PSMG2: variants seen among roughly 807,000 people sequenced by gnomAD.
PSMG2 encodes proteasome assembly chaperone 2, also known as CD40 ligand-activated specific transcript 3.
Under a neutral mutation model 31.5 loss-of-function variants are expected in PSMG2, and 21 were observed. The ratio of observed to expected loss-of-function variants is 0.67; its 90% CI spans 0.47 to 0.96. The LOEUF (loss-of-function observed/expected upper bound fraction) is 0.96. Among genes scored for constraint, PSMG2 ranks in the 40% least tolerant of loss-of-function variants. PSMG2 has a pLI of 0.00. For synonymous variants in PSMG2, 120 were observed against 110.4 expected (o/e 1.09, Z -0.54); for missense variants, 318 against 321.2 (o/e 0.99, Z 0.08).
chr18:12,716,551 G>A (rs973011717), intron 3 of PSMG2, among the ~76,000 whole-genome samples: 1 of 151,752 alleles, frequency 6.6e-6, no homozygotes, highest in East Asian at 1.9e-4. Context: ...CCACCATCAC[G>A]CCCGGCTAAT....
At chr18:12,677,314 T>A (rs2039172856) in intron 1 of PSMG2, among the ~76,000 whole-genome samples, 1 of 151,976 alleles carries the variant, frequency 6.6e-6, no homozygotes, top group Non-Finnish European at 1.5e-5. Context: ...AGCACATGTC[T>A]ATAATCCCAG....
At chr18:12,715,010 G>A (rs968142454) in intron 3 of PSMG2, among the ~76,000 whole-genome samples, 44 of 149,312 alleles carry the variant, frequency 2.9e-4, no homozygotes, top group African/African-American at 9.4e-4. Flanking sequence ...CACTGTGCCC[G>A]GCCCTCTTTT....
intron 1 of PSMG2, chr18:12,670,734 A>G (rs2038921454): frequency 6.6e-6 from 1 of 151,900 alleles, no homozygotes; most frequent in Admixed American, 6.6e-5. Flanking sequence ...CAGTGGCACA[A>G]TCTTTTGGGC....
At chr18:12,708,143 C>T (rs1190541748) in intron 2 of PSMG2, among the ~76,000 whole-genome samples, 2 of 151,944 alleles carry the variant, frequency 1.3e-5, no homozygotes, top group African/African-American at 2.4e-5. Context: ...AAAAATTAGC[C>T]AACCTGTAGT....
intron 1 of PSMG2, among the ~76,000 whole-genome samples, chr18:12,660,173 C>T (rs1687812394): frequency 6.6e-6 from 1 of 152,150 alleles, no homozygotes; most frequent in African/African-American, 2.4e-5. Flanking sequence ...AGCCATTAAC[C>T]TGCTAACCCT....
chr18:12,668,276 C>T (rs2038846647), intron 1 of PSMG2, among the ~76,000 whole-genome samples: 1 of 150,596 alleles, frequency 6.6e-6, no homozygotes, highest in Admixed American at 6.6e-5. Context: ...CCCCCAACTC[C>T]TCCCACCGCC....
At chr18:12,721,408 C>T (rs1026097752) in intron 5 of PSMG2, among the ~76,000 whole-genome samples, 3 of 152,054 alleles carry the variant, frequency 2.0e-5, no homozygotes, top group Admixed American at 6.6e-5. Flanking sequence ...TTACATTTAT[C>T]ACACATTTTA....
At chr18:12,698,156 TTTTA>T (rs1160293872), upstream of PSMG2, among the ~76,000 whole-genome samples, 13 of 147,040 alleles carry the variant, frequency 8.8e-5, no homozygotes, top group Admixed American at 7.3e-4. Flanking sequence ...TGACTTTTTA[TTTTA>T]TTTATATTTA....
In PSMG2 at chr18:12,703,304, G is replaced by A. The variant is rs569583108; in HGVS notation, c.57+140G>A. ...CATGTTTTCGGCCGGAAAAAACAGG[G>A]AGGTTGTAGCCGGAGGCAGCCGTCC... On this transcript the variant is annotated intron_variant, in intron 1 of 6. Transcript: ENST00000317615. 1.7e-5 allele frequency: 18 copies of A among 1,054,268 alleles called. No individual in the cohort carries two copies. The African/African-American group carries it at 2.1e-4, about 12-fold the overall frequency. The allele number at this position is 1,054,268 out of a possible 1,614,324, so 65.3% of individuals were successfully genotyped here.
At chr18:12,690,376 T>C (rs778589594) in intron 1 of PSMG2, among the ~76,000 whole-genome samples, 5 of 152,140 alleles carry the variant, frequency 3.3e-5, no homozygotes, top group Non-Finnish European at 5.9e-5. Context: ...TATGAAAGCA[T>C]CTGTATGAGG....
intron 1 of PSMG2, chr18:12,674,704 G>A: frequency 6.2e-7 from 1 of 1,614,088 alleles, no homozygotes; most frequent in Non-Finnish European, 8.5e-7. Flanking sequence ...CAAAGCTGGT[G>A]ATAAAAGGTA....
At chr18:12,661,661 G>C (rs557263233) in intron 1 of PSMG2, among the ~76,000 whole-genome samples, 4 of 152,106 alleles carry the variant, frequency 2.6e-5, no homozygotes, top group Non-Finnish European at 5.9e-5. Flanking sequence ...TGTAATCCCA[G>C]CTACTCGGGA....
intron 1 of PSMG2, among the ~76,000 whole-genome samples, chr18:12,659,342 A>G (rs2038647348): frequency 6.6e-6 from 1 of 152,174 alleles, no homozygotes; most frequent in African/African-American, 2.4e-5. Context: ...GGGAGGAGGG[A>G]GAAAAGCAAC....
At position 12,718,483 on chromosome 18, in the gene PSMG2, G is replaced by T. The variant is rs1170738517; in HGVS notation, c.289-34G>T. The stretch of plus-strand genomic sequence containing the variant: ...TTGTATGCTCTAAGACTAACTTTTA[G>T]ATTTTCTTTTTATTCTCTCAATGGT... On this transcript the variant is annotated intron_variant, in intron 3 of 6. Transcript: ENST00000317615. The T allele has an allele frequency of 5.0e-6, 7 of 1,401,344 alleles. No individual in the cohort carries two copies. In the South Asian group the frequency reaches 5.2e-5, roughly 10 times the overall value. The allele number at this position is 1,401,344 out of a possible 1,614,324, so 86.8% of individuals were successfully genotyped here.
At chr18:12,678,535 C>G in intron 1 of PSMG2, 1 of 784,316 alleles carries the variant, frequency 1.3e-6, no homozygotes, top group Non-Finnish European at 2.0e-6. Context: ...AAGGCCATAA[C>G]TACTTCTCAG....
chr18:12,707,971 G>A (rs1049246832), intron 2 of PSMG2, among the ~76,000 whole-genome samples: 2 of 152,092 alleles, frequency 1.3e-5, no homozygotes, highest in Admixed American at 6.6e-5. Context: ...GAGGATAAAG[G>A]ACTATAAATG....
At chr18:12,702,877 C>CT (rs2040206885), upstream of PSMG2, 1 of 575,854 alleles carries the variant, frequency 1.7e-6, no homozygotes, top group African/African-American at 2.0e-5. Flanking sequence ...CATCGCCTTG[C>CT]TTGCCAGGGT....
rs35721431 is a variant in PSMG2 at position 12,697,355 on chromosome 18, T to A, written c.-36-9195T>A. 10 of 1,613,628 alleles carry A rather than the reference T, an allele frequency of 6.2e-6. No homozygotes were observed. In the Admixed American group the frequency reaches 1.7e-4, roughly 27 times the overall value. On this transcript the variant is annotated intron_variant, in intron 1 of 6. Coordinates refer to the PSMG2 transcript ENST00000585331. ...TCTGTTTTGATTAGCACCATATGAA[T>A]TGGATCACTTATTGATAACATTGTT...
chr18:12,720,776 G>A (rs955347934), intron 5 of PSMG2, 93 bp downstream of exon 5: 9 of 1,284,102 alleles, frequency 7.0e-6, no homozygotes, highest in Middle Eastern at 1.9e-4. Context: ...CTCTAGCCTG[G>A]GTGACAGAGC....
Sources: gnomAD v4.1 joint callset for allele counts (sites outside exome capture counted in the v4.1 genomes callset) on GRCh38, gnomAD v4.1.1 for gene constraint, MANE v1.5 for transcripts, NCBI Gene and HGNC (gene_info 2026-07-23, HGNC 2026-07-21) for gene names.